Variants in MIR2052HG observed in about 807,000 individuals in gnomAD.
MIR2052HG encodes the protein MIR2052 host gene.
chr8:74,720,334 T>A (rs189549259), intron 4 of MIR2052HG, among the ~76,000 whole-genome samples: 149 of 152,370 alleles, frequency 9.8e-4, no homozygotes, highest in Non-Finnish European at 1.2e-3. Context: ...GCTTGTAGAC[T>A]GGTTAGATCT....
chr8:74,635,477 G>A (rs1356455226), intron 2 of MIR2052HG, among the ~76,000 whole-genome samples: 2 of 152,094 alleles, frequency 1.3e-5, no homozygotes, highest in African/African-American at 2.4e-5. Flanking sequence ...CAAGTGAAAG[G>A]AGCTGTAAGC....
intron 2 of MIR2052HG, among the ~76,000 whole-genome samples, chr8:74,662,350 G>A (rs1563525966): frequency 1.3e-5 from 2 of 151,916 alleles, no homozygotes; most frequent in Admixed American, 6.6e-5. Flanking sequence ...GAAGAAGAGT[G>A]GATCCAGCCT....
At chr8:74,690,916 C>A (rs1356909839) in intron 2 of MIR2052HG, among the ~76,000 whole-genome samples, 1 of 152,000 alleles carries the variant, frequency 6.6e-6, no homozygotes, top group Non-Finnish European at 1.5e-5. Context: ...TTACTTCTAG[C>A]AGTTTTAAAA....
intron 4 of MIR2052HG, among the ~76,000 whole-genome samples, chr8:74,722,142 A>T (rs1809583982): frequency 6.6e-6 from 1 of 152,024 alleles, no homozygotes; most frequent in South Asian, 2.1e-4. Flanking sequence ...ATGCCACTGC[A>T]CTCCAGCCTG....
chr8:74,623,097 A>G (rs902263689), intron 2 of MIR2052HG, among the ~76,000 whole-genome samples: 1 of 152,258 alleles, frequency 6.6e-6, no homozygotes, highest in African/African-American at 2.4e-5. Flanking sequence ...TATATTTAAC[A>G]GCAACCTAGT....
chr8:74,720,004 A>G (rs952769806), intron 4 of MIR2052HG, among the ~76,000 whole-genome samples: 1 of 151,732 alleles, frequency 6.6e-6, no homozygotes, highest in Non-Finnish European at 1.5e-5. Context: ...GTGTGCTGCC[A>G]TGCCCGGCTA....
chr8:74,625,094 T>C (rs1808417167), intron 2 of MIR2052HG, among the ~76,000 whole-genome samples: 1 of 152,148 alleles, frequency 6.6e-6, no homozygotes, highest in African/African-American at 2.4e-5. Flanking sequence ...GGTCTTGCTC[T>C]GTTGCTCAGG....
At chr8:74,633,670 T>C (rs1808547492) in intron 2 of MIR2052HG, among the ~76,000 whole-genome samples, 1 of 152,212 alleles carries the variant, frequency 6.6e-6, no homozygotes, top group East Asian at 1.9e-4. Context: ...GGTATTTGTT[T>C]GCATGTGTAC....
intron 4 of MIR2052HG, among the ~76,000 whole-genome samples, chr8:74,716,625 G>T (rs1006488905): frequency 2.6e-5 from 4 of 152,092 alleles, no homozygotes; most frequent in Non-Finnish European, 5.9e-5. Context: ...CAGGAGAATT[G>T]CTTGAACCTG....
intron 2 of MIR2052HG, among the ~76,000 whole-genome samples, chr8:74,698,789 G>A (rs1373965553): frequency 2.6e-5 from 4 of 152,160 alleles, no homozygotes; most frequent in South Asian, 2.1e-4. Context: ...TAGGGGGTGG[G>A]AGGCAAGGGG....
At chr8:74,672,394 G>T (rs549262819) in intron 2 of MIR2052HG, among the ~76,000 whole-genome samples, 13 of 152,046 alleles carry the variant, frequency 8.6e-5, no homozygotes, top group Non-Finnish European at 1.9e-4. Flanking sequence ...GAAAGAGATG[G>T]GTAAAAGGAT....
intron 2 of MIR2052HG, among the ~76,000 whole-genome samples, chr8:74,656,584 C>T (rs1038933539): frequency 1.3e-5 from 2 of 152,180 alleles, no homozygotes; most frequent in South Asian, 2.1e-4. Flanking sequence ...CCTCCCCAGA[C>T]ATGTGGAACT....
At chr8:74,696,308 G>A in intron 2 of MIR2052HG, among the ~76,000 whole-genome samples, 1 of 151,878 alleles carries the variant, frequency 6.6e-6, no homozygotes. Context: ...AAAACCTCTG[G>A]GATACAGCAA....
At chr8:74,686,113 C>CA (rs147143219) in intron 2 of MIR2052HG, among the ~76,000 whole-genome samples, 1 of 148,276 alleles carries the variant, frequency 6.7e-6, no homozygotes, top group Non-Finnish European at 1.5e-5. Context: ...TTTTTTTCTT[C>CA]AAAAAAAATT....
At chr8:74,602,841 C>CTTTCTTTCTTTCTTTCTTTCTTTCT (rs1563508576) in intron 1 of MIR2052HG, among the ~76,000 whole-genome samples, 17 of 140,084 alleles carry the variant, frequency 1.2e-4, no homozygotes, top group Non-Finnish European at 1.5e-4. Context: ...TTCTTTCTTT[C>CTTTCTTTCTTTCTTTCTTTCTTTCT]TTTCTTTCTT....
intron 1 of MIR2052HG, chr8:74,603,986 T>C (rs781230025): frequency 2.8e-4 from 266 of 966,032 alleles, no homozygotes; most frequent in Non-Finnish European, 4.3e-4. Context: ...CTACTGGTCA[T>C]AGAGCTGCTT....
At chr8:74,739,225 A>G (rs978443844) in intron 4 of MIR2052HG, among the ~76,000 whole-genome samples, 1 of 152,232 alleles carries the variant, frequency 6.6e-6, no homozygotes, top group African/African-American at 2.4e-5. Flanking sequence ...TGTGTTTAAT[A>G]AAATGGTGAC....
chr8:74,681,648 C>A (rs1809126436), intron 2 of MIR2052HG, among the ~76,000 whole-genome samples: 1 of 152,058 alleles, frequency 6.6e-6, no homozygotes, highest in Non-Finnish European at 1.5e-5. Context: ...GTTAGTTATC[C>A]TGGGATTGGG....
At chr8:74,680,893 A>G (rs1231142501) in intron 2 of MIR2052HG, among the ~76,000 whole-genome samples, 8 of 151,630 alleles carry the variant, frequency 5.3e-5, no homozygotes, top group Non-Finnish European at 1.2e-4. Context: ...AGAAAAAATG[A>G]TGAGTTCATG....
Sources: allele counts gnomAD v4.1 joint callset (sites outside exome capture counted in the v4.1 genomes callset), GRCh38; gene constraint gnomAD v4.1.1; transcripts MANE v1.5; gene names NCBI Gene and HGNC (gene_info 2026-07-23, HGNC 2026-07-21).